Variants in ROCK1 observed in about 807,000 individuals in gnomAD.
ROCK1 encodes the protein rho-associated protein kinase 1.
A neutral mutation model predicts 196.8 loss-of-function variants in ROCK1; 36 were observed. The observed-to-expected ratio is 0.18, with a 90% CI of 0.14 to 0.24. The LOEUF is 0.24. Among genes scored for constraint, ROCK1 ranks in the 10% least tolerant of loss-of-function variants. The pLI is 1.00. For synonymous variants in ROCK1, 443 were observed against 515.9 expected (o/e 0.86, Z 1.91); for missense variants, 920 against 1,562.0 (o/e 0.59, Z 6.93).
rs574440503 is a variant in ROCK1, at chr18:21,017,564, G to A, written c.1362-2085C>T. ...GCTCCTTGTGGAGAGGGGCCATGTCGTGATTTATTCAGTACTATATTGTTG... is the reference window on the plus strand; with the variant it reads ...GCTCCTTGTGGAGAGGGGCCATGTCATGATTTATTCAGTACTATATTGTTG... On this transcript the variant is annotated intron_variant, in intron 12 of 32. Coordinates refer to ENST00000399799, the MANE Select transcript of ROCK1 (RefSeq NM_005406.3). Among the ~76,000 whole-genome samples, 16 of 152,212 alleles carry A rather than the reference G, an allele frequency of 1.1e-4. No homozygotes were observed. The East Asian group carries it at 1.9e-3, about 18-fold the overall frequency.
At chr18:20,993,240 G>A (rs2035641843) in intron 16 of ROCK1, among the ~76,000 whole-genome samples, 2 of 152,266 alleles carry the variant, frequency 1.3e-5, no homozygotes, top group South Asian at 4.1e-4. Context: ...GTCTCGCTCT[G>A]TTGCCCAGGC....
At chr18:20,995,798 A>G (rs1247703129) in intron 16 of ROCK1, among the ~76,000 whole-genome samples, 1 of 152,176 alleles carries the variant, frequency 6.6e-6, no homozygotes, top group Non-Finnish European at 1.5e-5. Flanking sequence ...AAAACCACCA[A>G]CATGGTTCCT....
intron 22 of ROCK1, among the ~76,000 whole-genome samples, chr18:20,972,321 G>T (rs1353816527): frequency 6.6e-6 from 1 of 152,168 alleles, no homozygotes; most frequent in Admixed American, 6.5e-5. Flanking sequence ...AGACAGGAAG[G>T]AGCAGTTCGC....
At chr18:21,010,156 A>G (rs1367370689) in intron 13 of ROCK1, among the ~76,000 whole-genome samples, 26 of 151,632 alleles carry the variant, frequency 1.7e-4, no homozygotes, top group Non-Finnish European at 2.9e-5. Context: ...TTTTTGTTTC[A>G]CTGATTTTCT....
intron 23 of ROCK1, among the ~76,000 whole-genome samples, chr18:20,969,587 C>T (rs2035406849): frequency 6.6e-6 from 1 of 151,816 alleles, no homozygotes; most frequent in Non-Finnish European, 1.5e-5. Context: ...ATGATGAAAA[C>T]GATAATAAAA....
chr18:21,031,604 C>CA (rs781463990), intron 9 of ROCK1, among the ~76,000 whole-genome samples: 3,978 of 51,208 alleles, frequency 0.078, 208 homozygotes, highest in East Asian at 0.28. Context: ...GACTCCATCT[C>CA]AAAAAAAAAA....
intron 1 of ROCK1, among the ~76,000 whole-genome samples, chr18:21,076,270 A>G (rs1367670897): frequency 6.6e-6 from 1 of 152,110 alleles, no homozygotes; most frequent in African/African-American, 2.4e-5. Flanking sequence ...TTGGGAGGCC[A>G]AGGCAGGAGG....
intron 2 of ROCK1, among the ~76,000 whole-genome samples, chr18:21,050,816 C>T (rs2036197728): frequency 6.6e-6 from 1 of 152,190 alleles, no homozygotes; most frequent in African/African-American, 2.4e-5. Flanking sequence ...ATATCCACTG[C>T]AAGATGCACC....
chr18:21,061,645 A>C (rs2036292134), intron 2 of ROCK1, among the ~76,000 whole-genome samples: 1 of 152,222 alleles, frequency 6.6e-6, no homozygotes, highest in Non-Finnish European at 1.5e-5. Context: ...TCAGGATGGA[A>C]TCCAGATTCT....
chr18:21,023,453 C>T (rs2035931001), intron 11 of ROCK1, among the ~76,000 whole-genome samples, 167 bp downstream of exon 11: 1 of 151,872 alleles, frequency 6.6e-6, no homozygotes, highest in African/African-American at 2.4e-5. Flanking sequence ...GATATTTGAG[C>T]AAAAAATCAG....
At chr18:20,969,014 TAATATATGA>T in intron 24 of ROCK1, 92 bp downstream of exon 24, 1 of 904,124 alleles carries the variant, frequency 1.1e-6, no homozygotes, top group East Asian at 2.5e-5. Context: ...AGAAGTTACT[TAATATATGA>T]AAACAGGTAT....
intron 2 of ROCK1, among the ~76,000 whole-genome samples, chr18:21,052,005 G>A (rs371520011): frequency 6.6e-6 from 1 of 152,212 alleles, no homozygotes; most frequent in Non-Finnish European, 1.5e-5. Flanking sequence ...TACCCCAGAT[G>A]AGAGAGAAAG....
intron 21 of ROCK1, 68 bp downstream of exon 21, chr18:20,982,695 G>T (rs2035543799): frequency 1.4e-6 from 1 of 740,046 alleles, no homozygotes; most frequent in Non-Finnish European, 2.4e-6. Flanking sequence ...TCACATAAAA[G>T]AATCTAAATA....
At chr18:21,079,223 T>C (rs990156286) in intron 1 of ROCK1, among the ~76,000 whole-genome samples, 10 of 152,220 alleles carry the variant, frequency 6.6e-5, no homozygotes, top group Non-Finnish European at 1.0e-4. Context: ...TTCCCTTCCT[T>C]GCAGGAGTGA....
At chr18:21,079,254 C>T (rs921548659) in intron 1 of ROCK1, among the ~76,000 whole-genome samples, 5 of 152,134 alleles carry the variant, frequency 3.3e-5, no homozygotes, top group African/African-American at 1.2e-4. Flanking sequence ...TCTTCCTCAC[C>T]TTCCTTTTCT....
At position 20,992,906 on chromosome 18, in the gene ROCK1, C is replaced by A; in HGVS notation, c.1917G>T (p.Lys639Asn). The change falls in exon 17 of 33, where the codon AAG (lysine) becomes AAT (asparagine). Residue 639 changes from lysine to asparagine, a missense_variant. By Grantham distance (94) the Lys-to-Asn change is moderately conservative. This residue lies in a region of ROCK1 where 520 missense variants were observed against 657.1 expected (regional missense o/e 0.79). Coordinates refer to ENST00000399799, the MANE Select transcript of ROCK1 (RefSeq NM_005406.3). ...ARITSLQEEV[K>N]HLKHNLEKVE... ...CTTTTTCGAGATTATGTTTGAGATGCTTCACCTCCTCTTGTAAAGATGTAA... is the reference window on the plus strand; with the variant it reads ...CTTTTTCGAGATTATGTTTGAGATGATTCACCTCCTCTTGTAAAGATGTAA... 1 of 1,612,184 alleles carries A rather than the reference C, an allele frequency of 6.2e-7. No individual in the cohort carries two copies. Among genetic ancestry groups the A allele is most frequent in the Non-Finnish European group, 8.5e-7 (1 of 1,178,746 alleles).
intron 2 of ROCK1, 97 bp from the exon 3 acceptor site, chr18:21,049,977 AC>A: frequency 1.8e-6 from 1 of 557,132 alleles, no homozygotes; most frequent in Non-Finnish European, 3.0e-6. Flanking sequence ...ACAATGAAAA[AC>A]AACAAACTTC....
intron 6 of ROCK1, among the ~76,000 whole-genome samples, chr18:21,043,479 C>T (rs1340186950): frequency 6.7e-6 from 1 of 149,518 alleles, no homozygotes; most frequent in Non-Finnish European, 1.5e-5. Flanking sequence ...AACATATACA[C>T]AGCTCCTTCA....
intron 28 of ROCK1, 26 bp from the exon 29 acceptor site, chr18:20,959,954 G>A (rs1254474174): frequency 3.5e-6 from 5 of 1,408,854 alleles, no homozygotes; most frequent in Non-Finnish European, 5.0e-6. Flanking sequence ...GGGGGGAAGA[G>A]TTACAAGAGC....
Sources: gnomAD v4.1 joint callset for allele counts (sites outside exome capture counted in the v4.1 genomes callset) on GRCh38, gnomAD v4.1.1 for gene constraint, gnomAD v4.1.1 regional missense constraint, MANE v1.5 for transcripts, NCBI Gene and HGNC (gene_info 2026-07-23, HGNC 2026-07-21) for gene names.